The following CALM2 variants were observed in gnomAD, a reference collection of about 807,000 sequenced individuals.
The protein encoded by CALM2 is calmodulin-2.
CALM2 carries 2 observed loss-of-function variants against 19.8 expected under a neutral mutation model. The ratio of observed to expected loss-of-function variants is 0.10; its 90% CI spans 0.04 to 0.32. The LOEUF (loss-of-function observed/expected upper bound fraction) is 0.32. Among genes scored for constraint, CALM2 ranks in the 10% least tolerant of loss-of-function variants. The probability of loss-of-function intolerance (pLI) is 1.00; values close to 1 mark genes in which losing one functional copy is unlikely to be tolerated. For missense variants in CALM2, 38 were observed against 178.7 expected, an observed-to-expected ratio of 0.21 and a Z score of 4.49; for synonymous variants, 51 against 52.1, an observed-to-expected ratio of 0.98 and a Z score of 0.09.
Position 47,170,716 on chromosome 2 carries a change from T to C in CALM2, c.34+18A>G, listed in dbSNP as rs983619565. 2 of 1,596,354 alleles carry C rather than the reference T, an allele frequency of 1.3e-6. No individual in the cohort carries two copies. The highest frequency in any genetic ancestry group is 1.7e-6 in the Non-Finnish European group (2 of 1,163,810). ...TAATAAGAATCTAATGGGTACAATC[T>C]AGCTGAGTATTTCTCACCTGCAATC... is the stretch of plus-strand genomic sequence containing the variant. On this transcript the variant is annotated intron_variant, in intron 2 of 5. Transcript: ENST00000272298.
chr2:47,174,942 C>A (rs1050801367), intron 1 of CALM2, among the ~76,000 whole-genome samples: 1 of 152,140 alleles, frequency 6.6e-6, no homozygotes, highest in Non-Finnish European at 1.5e-5. Context: ...CACACCCATA[C>A]AGGCTGGAGG....
rs1029109346 is a variant in CALM2, at chr2:47,163,415, A to T, written c.35-753T>A. On this transcript the variant is annotated intron_variant, in intron 2 of 5. Transcript: ENST00000272298. ...GATTATTCCTCAACATCTTGTTGTG[A>T]TAGTATGTTCCTTCCTGCTGTTGTT... is the stretch of plus-strand genomic sequence containing the variant. 7 of 151,796 alleles carry T rather than the reference A, an allele frequency of 4.6e-5. No individual in the cohort carries two copies. In the East Asian group the frequency reaches 9.7e-4, roughly 21 times the overall value. 9.4% of individuals were successfully genotyped at this position (151,796 alleles called of 1,614,324 possible). A position where few individuals can be genotyped will look rare whatever the true frequency, so the allele number is the denominator to read the frequency against.
At position 47,160,642 on chromosome 2, in the gene CALM2, G is replaced by A; in HGVS notation, c.*134C>T. On this transcript the variant is annotated 3_prime_UTR_variant, in exon 6 of 6. Coordinates refer to ENST00000272298, the MANE Select transcript of CALM2 (RefSeq NM_001743.6). ...TAAGATAAGGGAAGAAAACATGGAG[G>A]AATGAAGTCCTAATTACTATACATG... The A allele has an allele frequency of 1.9e-6, 1 of 524,918 alleles. No individual in the cohort carries two copies. Among genetic ancestry groups the A allele is most frequent in the African/African-American group, 2.0e-5 (1 of 50,424 alleles). The allele number at this position is 524,918 out of a possible 1,614,324, so 32.5% of individuals were successfully genotyped here. A position where few individuals can be genotyped will look rare whatever the true frequency, so the allele number is the denominator to read the frequency against.
intron 1 of CALM2, chr2:47,176,217 C>G: frequency 3.7e-6 from 2 of 544,832 alleles, no homozygotes; most frequent in Admixed American, 3.3e-5. Flanking sequence ...GGGAACTGTG[C>G]GTCCGGCCCT....
intron 1 of CALM2, among the ~76,000 whole-genome samples, chr2:47,174,657 A>G (rs1032786044): frequency 6.6e-6 from 1 of 152,148 alleles, no homozygotes; most frequent in African/African-American, 2.4e-5. Flanking sequence ...AGGGACCACA[A>G]ATGCGTAGAT....
Position 47,170,732 on chromosome 2 carries a change from A to G in CALM2, c.34+2T>C. 1 of 1,611,962 alleles carries G rather than the reference A, an allele frequency of 6.2e-7. No individual in the cohort carries two copies. Among genetic ancestry groups the G allele is most frequent in the Non-Finnish European group, 8.5e-7 (1 of 1,178,040 alleles). ...GGTACAATCTAGCTGAGTATTTCTC[A>G]CCTGCAATCTGCTCTTCAGTCAGTT... On this transcript the variant is annotated splice_donor_variant, in intron 2 of 5. Transcript: ENST00000272298. LOFTEE classifies it high-confidence loss of function.
chr2:47,176,519 C>T (rs1333681987), upstream of CALM2: 19 of 1,598,324 alleles, frequency 1.2e-5, no homozygotes, highest in Non-Finnish European at 1.6e-5. Context: ...ACTAATTCGC[C>T]TCCTCCGCCC....
intron 1 of CALM2, chr2:47,171,728 C>T (rs989234985): frequency 2.0e-5 from 3 of 152,076 alleles, no homozygotes; most frequent in African/African-American, 7.2e-5. Flanking sequence ...GAAATAGCCT[C>T]CTATCTAAAA....
At chr2:47,175,130 G>A (rs1451926358) in intron 1 of CALM2, among the ~76,000 whole-genome samples, 2 of 125,912 alleles carry the variant, frequency 1.6e-5, no homozygotes, top group African/African-American at 6.5e-5. Flanking sequence ...AGTCTGAGGT[G>A]ACCGGAAAAT....
Position 47,176,459 on chromosome 2 carries a change from G to C in CALM2, c.-16C>G, listed in dbSNP as rs752149020. On this transcript the variant is annotated 5_prime_UTR_variant, in exon 1 of 6. Coordinates refer to ENST00000272298, the MANE Select transcript of CALM2 (RefSeq NM_001743.6). ...CACTCACCATGCTGCAAGCGCTACCGGTTTCCGAGACGCGACCACACAACC... is the reference window on the plus strand; with the variant it reads ...CACTCACCATGCTGCAAGCGCTACCCGTTTCCGAGACGCGACCACACAACC... The C allele has an allele frequency of 1.2e-6, 2 of 1,613,590 alleles. No individual in the cohort carries two copies. The highest frequency in any genetic ancestry group is 1.7e-6 in the Non-Finnish European group (2 of 1,179,978).
At chr2:47,176,081 C>T (rs1261749995) in intron 1 of CALM2, among the ~76,000 whole-genome samples, 1 of 152,146 alleles carries the variant, frequency 6.6e-6, no homozygotes, top group African/African-American at 2.4e-5. Flanking sequence ...TTCCAGACGC[C>T]CGACAGAAGG....
intron 1 of CALM2, chr2:47,171,457 C>G (rs1310401938): frequency 6.6e-6 from 1 of 151,954 alleles, no homozygotes. Flanking sequence ...TGGTATTATC[C>G]CCTATCTTAC....
intron 2 of CALM2, among the ~76,000 whole-genome samples, chr2:47,167,916 G>A (rs569140117): frequency 1.2e-4 from 18 of 148,446 alleles, no homozygotes; most frequent in Non-Finnish European, 2.4e-4. Context: ...TTAGACATGC[G>A]CCACCATGCC....
At chr2:47,168,481 G>A (rs915127837) in intron 2 of CALM2, among the ~76,000 whole-genome samples, 1 of 152,140 alleles carries the variant, frequency 6.6e-6, no homozygotes, top group East Asian at 1.9e-4. Context: ...ATTCACACCT[G>A]TAATCCCAGC....
At chr2:47,164,347 AACACACACACACACACACACACACAC>A (rs61085424) in intron 2 of CALM2, among the ~76,000 whole-genome samples, 2 of 139,838 alleles carry the variant, frequency 1.4e-5, no homozygotes, top group South Asian at 2.2e-4. Context: ...TCTCTACTAA[AACACACACACACACACACACACACAC>A]ACACACACAC....
intron 2 of CALM2, chr2:47,167,814 C>CCTTTTTTTTTTTTTTTTTTTTTTTTTTT (rs775532408): frequency 2.1e-5 from 2 of 96,484 alleles, no homozygotes; most frequent in African/African-American, 1.1e-4. Context: ...TTTTTCTTTT[C>CCTTTTTTTTTTTTTTTTTTTTTTTTTTT]TTTGAGACAG....
chr2:47,176,626 A>C (rs1343327011), upstream of CALM2: 6 of 1,498,102 alleles, frequency 4.0e-6, no homozygotes, highest in African/African-American at 2.8e-5. Flanking sequence ...CTCCCCTCAA[A>C]CTCTTCTCGG....
upstream of CALM2, chr2:47,176,678 T>G: frequency 3.5e-6 from 5 of 1,426,830 alleles, no homozygotes; most frequent in South Asian, 1.5e-5. Flanking sequence ...AGGCAAGAGA[T>G]CAAGGAAAGT....
intron 5 of CALM2, among the ~76,000 whole-genome samples, 198 bp from the exon 6 acceptor site, chr2:47,161,002 T>C (rs1384703952): frequency 6.6e-6 from 1 of 152,202 alleles, no homozygotes; most frequent in African/African-American, 2.4e-5. Context: ...TCAGGTTTAT[T>C]AGTAAGAGCC....
Sources: allele counts gnomAD v4.1 joint callset (sites outside exome capture counted in the v4.1 genomes callset), GRCh38; gene constraint gnomAD v4.1.1; transcripts MANE v1.5; gene names NCBI Gene and HGNC (gene_info 2026-07-23, HGNC 2026-07-21).